DENND1B: variants seen among roughly 807,000 people sequenced by gnomAD.
The protein encoded by DENND1B is DENN domain-containing protein 1B.
Under a neutral mutation model 90.1 loss-of-function variants are expected in DENND1B, and 59 were observed. The ratio of observed to expected loss-of-function variants is 0.65; its 90% confidence interval spans 0.53 to 0.81. The LOEUF is 0.81. Ranked by LOEUF, DENND1B falls within the 40% of genes least tolerant of loss-of-function variation. DENND1B has a pLI of 0.00. For missense variants in DENND1B, 862 were observed against 912.6 expected (o/e 0.94, Z 0.71); for synonymous variants, 337 against 324.6 (o/e 1.04, Z -0.41).
upstream of DENND1B, among the ~76,000 whole-genome samples, chr1:197,779,826 C>A (rs1259578074): frequency 6.6e-6 from 1 of 151,708 alleles, no homozygotes; most frequent in Non-Finnish European, 1.5e-5. Flanking sequence ...ATATCTGAAG[C>A]ATTTGTGGGT....
At chr1:197,677,538 C>A (rs1268566301) in intron 3 of DENND1B, among the ~76,000 whole-genome samples, 1 of 152,152 alleles carries the variant, frequency 6.6e-6, no homozygotes, top group Non-Finnish European at 1.5e-5. Flanking sequence ...TCACCAAGTC[C>A]TTTCATTCAA....
intron 20 of DENND1B, among the ~76,000 whole-genome samples, chr1:197,522,414 G>C (rs1490567214): frequency 3.3e-5 from 5 of 152,154 alleles, no homozygotes; most frequent in Admixed American, 1.3e-4. Context: ...TGATGTGGCC[G>C]TAACACATCC....
At chr1:197,561,210 C>G (rs1181581793) in intron 15 of DENND1B, among the ~76,000 whole-genome samples, 1 of 151,938 alleles carries the variant, frequency 6.6e-6, no homozygotes, top group Non-Finnish European at 1.5e-5. Flanking sequence ...GTCCTCTCCT[C>G]TCATGCTTCA....
At chr1:197,556,718 T>A (rs576749846) in intron 15 of DENND1B, among the ~76,000 whole-genome samples, 117 of 152,066 alleles carry the variant, frequency 7.7e-4, no homozygotes, top group Non-Finnish European at 1.5e-3. Context: ...TTCTGTAAAA[T>A]GGGAGTAATA....
chr1:197,565,139 T>C (rs975443903), intron 15 of DENND1B, among the ~76,000 whole-genome samples: 5 of 152,198 alleles, frequency 3.3e-5, no homozygotes, highest in African/African-American at 9.6e-5. Context: ...ACATTAGCTA[T>C]AGATTACATA....
chr1:197,661,239 T>C (rs569277426), intron 5 of DENND1B, among the ~76,000 whole-genome samples: 1 of 152,244 alleles, frequency 6.6e-6, no homozygotes, highest in South Asian at 2.1e-4. Context: ...TAAAAATTAC[T>C]AATACTTTTA....
intron 15 of DENND1B, among the ~76,000 whole-genome samples, chr1:197,567,939 A>C (rs1672820007): frequency 6.6e-6 from 1 of 151,372 alleles, no homozygotes; most frequent in East Asian, 2.0e-4. Flanking sequence ...TAGAAATCCT[A>C]GTTAGAGCAA....
At chr1:197,654,609 C>CAA (rs34779798) in intron 6 of DENND1B, among the ~76,000 whole-genome samples, 1 of 122,948 alleles carries the variant, frequency 8.1e-6, no homozygotes, top group Non-Finnish European at 1.8e-5. Context: ...GACTCCGTCT[C>CAA]AAAAAAAAAA....
chr1:197,721,003 T>A (rs1661119086), intron 2 of DENND1B, among the ~76,000 whole-genome samples: 1 of 151,798 alleles, frequency 6.6e-6, no homozygotes, highest in Non-Finnish European at 1.5e-5. Context: ...AACAAAAATA[T>A]CTACACAAAC....
intron 6 of DENND1B, among the ~76,000 whole-genome samples, chr1:197,653,042 T>C (rs1198045231): frequency 6.6e-6 from 1 of 151,946 alleles, no homozygotes; most frequent in Non-Finnish European, 1.5e-5. Context: ...TCAGAGAAGT[T>C]AGCAATTTTA....
intron 20 of DENND1B, among the ~76,000 whole-genome samples, chr1:197,522,228 A>T (rs1668828404): frequency 6.6e-6 from 1 of 152,124 alleles, no homozygotes; most frequent in Admixed American, 6.6e-5. Context: ...CATACGTGTC[A>T]GGGCAAAAAG....
chr1:197,667,586 C>A (rs903900111), intron 5 of DENND1B, among the ~76,000 whole-genome samples: 1 of 152,040 alleles, frequency 6.6e-6, no homozygotes, highest in Non-Finnish European at 1.5e-5. Flanking sequence ...TGCGCCACCA[C>A]GCCCAGCTAA....
At chr1:197,687,611 A>C (rs564863459) in intron 3 of DENND1B, among the ~76,000 whole-genome samples, 1 of 152,198 alleles carries the variant, frequency 6.6e-6, no homozygotes, top group Non-Finnish European at 1.5e-5. Flanking sequence ...GACAAAATTC[A>C]ACACTTTTTC....
At chr1:197,769,059 A>T (rs534392221) in intron 2 of DENND1B, among the ~76,000 whole-genome samples, 1 of 152,354 alleles carries the variant, frequency 6.6e-6, no homozygotes. Context: ...AAATGAAAAC[A>T]TTTAGACTTA....
At chr1:197,634,972 C>T (rs565085596) in intron 10 of DENND1B, among the ~76,000 whole-genome samples, 2 of 145,546 alleles carry the variant, frequency 1.4e-5, no homozygotes, top group African/African-American at 4.9e-5. Context: ...AACACCTTGG[C>T]GACAAGAGTG....
Position 197,693,294 on chromosome 1 carries a change from G to C in DENND1B, c.127-19125C>G, listed in dbSNP as rs76756530. Among the ~76,000 whole-genome samples, 802 of 151,678 alleles carry C rather than the reference G, an allele frequency of 5.3e-3. 9 individuals are homozygous for C. Among genetic ancestry groups the C allele is most frequent in the African/African-American group, 0.018 (745 of 41,474 alleles). ...AATAAACATAAGTAAACATGTGACT[G>C]TGTGTTTAAATAATTGTTAAAAGGT... On this transcript the variant is annotated intron_variant, in intron 3 of 22. Transcript: ENST00000620048.
chr1:197,611,322 T>C (rs12116508), intron 12 of DENND1B, among the ~76,000 whole-genome samples: 24,097 of 150,744 alleles, frequency 0.16, 2,219 homozygotes, highest in Non-Finnish European at 0.2. Flanking sequence ...TTCAAGTTCA[T>C]GGTGTTAATA....
At chr1:197,693,931 T>C (rs1225356889) in intron 3 of DENND1B, among the ~76,000 whole-genome samples, 2 of 151,534 alleles carry the variant, frequency 1.3e-5, no homozygotes, top group Non-Finnish European at 3.0e-5. Flanking sequence ...GCTGGTAACA[T>C]ATGTTGATCA....
rs185296621 is a variant in DENND1B, at chr1:197,739,711, T to C, written c.83-24637A>G. On this transcript the variant is annotated intron_variant, in intron 2 of 22. Transcript: ENST00000620048. ...AAAAAATGCAAATCCAACAAAGTCA[T>C]TGTATCCTGGATATATTAAAATCTT... is the stretch of plus-strand genomic sequence containing the variant. 5.7e-3 allele frequency among the ~76,000 whole-genome samples: 862 copies of C among 152,214 alleles called. 6 individuals carry two copies. Among genetic ancestry groups the C allele is most frequent in the Non-Finnish European group, 8.2e-3 (559 of 68,002 alleles).
Sources: allele counts gnomAD v4.1 joint callset (sites outside exome capture counted in the v4.1 genomes callset), GRCh38; gene constraint gnomAD v4.1.1; transcripts MANE v1.5; gene names NCBI Gene and HGNC (gene_info 2026-07-23, HGNC 2026-07-21).